Variants in OXR1 observed in about 807,000 individuals in gnomAD.
OXR1 encodes oxidation resistance 1, also known as oxidation resistance protein 1.
Under a neutral mutation model 104.6 loss-of-function variants are expected in OXR1, and 41 were observed. The ratio of observed to expected loss-of-function variants is 0.39; its 90% CI spans 0.31 to 0.51. The LOEUF is 0.51. OXR1 is among the 20% of genes least tolerant of loss of function. OXR1 has a pLI of 0.77. For synonymous variants in OXR1, 348 were observed against 348.4 expected (o/e 1.00, Z 0.01); for missense variants, 955 against 1,031.9 (o/e 0.93, Z 1.02).
intron 1 of OXR1, among the ~76,000 whole-genome samples, chr8:106,337,334 A>G (rs1037383458): frequency 1.2e-4 from 19 of 152,260 alleles, no homozygotes; most frequent in South Asian, 2.1e-4. Context: ...TGACACTAGC[A>G]TAAACTAAGA....
At chr8:106,571,071 G>T (rs1817435226) in intron 3 of OXR1, among the ~76,000 whole-genome samples, 1 of 151,594 alleles carries the variant, frequency 6.6e-6, no homozygotes, top group Non-Finnish European at 1.5e-5. Context: ...TAAACAAATG[G>T]AAGTGCTACC....
intron 1 of OXR1, among the ~76,000 whole-genome samples, chr8:106,354,107 T>A (rs1815857888): frequency 6.6e-6 from 1 of 151,962 alleles, no homozygotes; most frequent in Non-Finnish European, 1.5e-5. Context: ...TTTGCCCATT[T>A]TTTTTTTTAA....
intron 2 of OXR1, among the ~76,000 whole-genome samples, chr8:106,486,298 CT>C (rs1450829627): frequency 4.6e-5 from 7 of 152,078 alleles, no homozygotes; most frequent in African/African-American, 1.7e-4. Context: ...ATTACAACCT[CT>C]AATTGCTTCC....
intron 1 of OXR1, among the ~76,000 whole-genome samples, chr8:106,341,837 G>A (rs1236601541): frequency 1.3e-5 from 2 of 150,000 alleles, no homozygotes; most frequent in Admixed American, 1.3e-4. Context: ...TCTTTTTCTG[G>A]ACTAGGATCA....
At chr8:106,694,761 TA>T (rs1434500398) in intron 7 of OXR1, among the ~76,000 whole-genome samples, 1 of 107,648 alleles carries the variant, frequency 9.3e-6, no homozygotes, top group Admixed American at 1.1e-4. Flanking sequence ...TTAATATATA[TA>T]TTTAATAGAT....
chr8:106,361,025 C>T (rs752925498), intron 2 of OXR1, among the ~76,000 whole-genome samples: 7 of 152,262 alleles, frequency 4.6e-5, no homozygotes, highest in South Asian at 2.1e-4. Flanking sequence ...GGCCTGGCCT[C>T]GGTGCATGCT....
At chr8:106,448,712 C>A (rs1003457487) in intron 2 of OXR1, among the ~76,000 whole-genome samples, 1 of 152,082 alleles carries the variant, frequency 6.6e-6, no homozygotes, top group African/African-American at 2.4e-5. Flanking sequence ...CAGGAATAGG[C>A]CTCATTGCCC....
At position 106,422,822 on chromosome 8, in the gene OXR1, A is replaced by G. The variant is rs78999731; in HGVS notation, c.23+63186A>G. ...CAGAACTTGAAATCTTCTCTTTGAC[A>G]TGAAAGCCAATGCTCTTCACCATTA... On this transcript the variant is annotated intron_variant, in intron 2 of 16. Coordinates refer to ENST00000517566, the MANE Select transcript of OXR1 (RefSeq NM_001198533.2). Among the ~76,000 whole-genome samples, 559 of 152,322 alleles carry G rather than the reference A, an allele frequency of 3.7e-3. 4 individuals carry two copies. The highest frequency in any genetic ancestry group is 0.013 in the African/African-American group (537 of 41,584).
At chr8:106,649,658 A>AT (rs550951214) in intron 3 of OXR1, among the ~76,000 whole-genome samples, 1 of 151,836 alleles carries the variant, frequency 6.6e-6, no homozygotes, top group Admixed American at 6.6e-5. Context: ...CTTCACAAGG[A>AT]TTTTTCCTGA....
At chr8:106,289,189 G>A (rs78385094) in intron 1 of OXR1, among the ~76,000 whole-genome samples, 2 of 152,156 alleles carry the variant, frequency 1.3e-5, no homozygotes, top group Non-Finnish European at 2.9e-5. Flanking sequence ...TCAGGCAAGA[G>A]GAAGAAATAC....
At chr8:106,379,658 C>T (rs1334729024) in intron 2 of OXR1, among the ~76,000 whole-genome samples, 4 of 151,348 alleles carry the variant, frequency 2.6e-5, no homozygotes, top group African/African-American at 9.7e-5. Context: ...GTGCCTCAGC[C>T]TCCCGAGTAG....
At chr8:106,687,759 G>C (rs939859418) in intron 6 of OXR1, among the ~76,000 whole-genome samples, 4 of 151,014 alleles carry the variant, frequency 2.6e-5, no homozygotes, top group African/African-American at 9.7e-5. Context: ...GTTTTTTCTA[G>C]TACCTGACCA....
At chr8:106,342,616 CCT>C (rs1211767676) in intron 1 of OXR1, among the ~76,000 whole-genome samples, 1 of 151,768 alleles carries the variant, frequency 6.6e-6, no homozygotes, top group Non-Finnish European at 1.5e-5. Flanking sequence ...TTTCCCATAC[CCT>C]GTATTTCACC....
intron 3 of OXR1, among the ~76,000 whole-genome samples, chr8:106,521,733 C>T (rs1161947740): frequency 1.3e-5 from 2 of 152,104 alleles, no homozygotes; most frequent in Non-Finnish European, 2.9e-5. Flanking sequence ...AGGATGGTCT[C>T]GATCTCCTGA....
At chr8:106,543,772 G>A (rs1205717732) in intron 3 of OXR1, among the ~76,000 whole-genome samples, 1 of 152,178 alleles carries the variant, frequency 6.6e-6, no homozygotes, top group Non-Finnish European at 1.5e-5. Flanking sequence ...TGCCTGCAGT[G>A]CTAAAGTGAA....
chr8:106,695,510 C>A (rs927011109), intron 7 of OXR1, among the ~76,000 whole-genome samples: 5 of 151,810 alleles, frequency 3.3e-5, no homozygotes, highest in African/African-American at 1.2e-4. Flanking sequence ...TTCCGCCTCC[C>A]AGGTTCAAGC....
intron 2 of OXR1, among the ~76,000 whole-genome samples, chr8:106,417,781 G>A (rs1428624714): frequency 3.3e-5 from 5 of 152,058 alleles, no homozygotes; most frequent in African/African-American, 7.2e-5. Context: ...GGTCCCAACC[G>A]GAAATAGATG....
intron 1 of OXR1, among the ~76,000 whole-genome samples, chr8:106,274,807 C>T (rs1306205751): frequency 6.6e-6 from 1 of 152,164 alleles, no homozygotes; most frequent in South Asian, 2.1e-4. Context: ...AGAGAGGCTT[C>T]CTCTTTCCCA....
chr8:106,472,622 G>A (rs935394747), intron 2 of OXR1, among the ~76,000 whole-genome samples: 1 of 151,774 alleles, frequency 6.6e-6, no homozygotes, highest in Non-Finnish European at 1.5e-5. Context: ...ATGTCTACAT[G>A]CAGACAACTT....
Sources: allele counts gnomAD v4.1 joint callset (sites outside exome capture counted in the v4.1 genomes callset), GRCh38; gene constraint gnomAD v4.1.1; transcripts MANE v1.5; gene names NCBI Gene and HGNC (gene_info 2026-07-23, HGNC 2026-07-21).